SCN1A: variants seen among roughly 807,000 people sequenced by gnomAD.
The protein encoded by SCN1A is sodium voltage-gated channel alpha subunit 1, also known as sodium channel protein type 1 subunit alpha.
SCN1A carries 13 observed loss-of-function variants against 193.7 expected under a neutral mutation model. The observed-to-expected ratio is 0.07, with a 90% CI of 0.04 to 0.11. The LOEUF is 0.11. Ranked by LOEUF, SCN1A falls within the 10% of genes least tolerant of loss-of-function variation. The pLI, the probability that SCN1A is intolerant of heterozygous loss-of-function variation, is 1.00. For missense variants in SCN1A, 1,432 were observed against 2,451.1 expected (o/e 0.58, Z 8.78); for synonymous variants, 781 against 843.6 (o/e 0.93, Z 1.29).
chr2:165,986,780 A>G lies in SCN1A; in HGVS notation c.*4465T>C, dbSNP rs186800824. On this transcript the variant is annotated 3_prime_UTR_variant, in exon 29 of 29. Transcript: ENST00000674923. ...TATGTCTGTTTACATACATACATAT[A>G]TATATAAATGTAACTCATTTTTCTT... is the stretch of plus-strand genomic sequence containing the variant. 34 of 151,946 alleles carry G rather than the reference A, an allele frequency of 2.2e-4. 1 individual carries two copies. In the East Asian group the frequency reaches 6.6e-3, roughly 29 times the overall value. 9.4% of individuals were successfully genotyped at this position (151,946 alleles called of 1,614,324 possible).
At chr2:166,038,770 G>A (rs1247995807) in intron 17 of SCN1A, among the ~76,000 whole-genome samples, 6 of 152,172 alleles carry the variant, frequency 3.9e-5, no homozygotes, top group Non-Finnish European at 8.8e-5. Context: ...ATATTAATTT[G>A]CCAGTAGTGT....
Position 166,067,471 on chromosome 2 carries a change from C to CTTT in SCN1A, c.264+5884_264+5886dup, listed in dbSNP as rs5836078. Among the ~76,000 whole-genome samples, 834 of 145,936 alleles carry CTTT rather than the reference C, an allele frequency of 5.7e-3. 8 individuals are homozygous for CTTT. Among genetic ancestry groups the CTTT allele is most frequent in the African/African-American group, 0.02 (794 of 39,938 alleles). On this transcript the variant is annotated intron_variant, in intron 4 of 28. Transcript: ENST00000674923. ...TATTTAGATTCCATCACTGACTTCT[C>CTTT]TTTTTTTTTTTTCCACTGCTGTGAT...
chr2:166,053,270 C>T, intron 7 of SCN1A: 1 of 600,968 alleles, frequency 1.7e-6, no homozygotes, highest in Non-Finnish European at 2.9e-6. Context: ...CATCATTAAT[C>T]TTTGTTCACA....
chr2:166,078,842 T>C (rs894162627), intron 2 of SCN1A, among the ~76,000 whole-genome samples: 1 of 151,598 alleles, frequency 6.6e-6, no homozygotes, highest in African/African-American at 2.4e-5. Flanking sequence ...TTAAAATGAA[T>C]TTTGGTTTCA....
intron 2 of SCN1A, among the ~76,000 whole-genome samples, chr2:166,110,158 G>C (rs945723007): frequency 6.6e-6 from 1 of 151,658 alleles, no homozygotes; most frequent in East Asian, 1.9e-4. Context: ...CACCTACTAT[G>C]TAGCCATACA....
intron 4 of SCN1A, among the ~76,000 whole-genome samples, chr2:166,066,652 A>C (rs1236479432): frequency 6.6e-6 from 1 of 152,138 alleles, no homozygotes; most frequent in East Asian, 1.9e-4. Flanking sequence ...CAAACTTCCT[A>C]TCTAAGAAAA....
Position 166,073,607 on chromosome 2 carries a change from C to G in SCN1A, c.15G>C (p.Val5=). The G allele has an allele frequency of 1.2e-6, 2 of 1,614,166 alleles. No individual in the cohort carries two copies. The highest frequency in any genetic ancestry group is 1.1e-5 in the South Asian group (1 of 91,082). ...AGCTGTCAGGTCCTGGTGGTACAAGCACTGTTTGCTCCATCTTGTCATCCT... is the reference window on the plus strand; with the variant it reads ...AGCTGTCAGGTCCTGGTGGTACAAGGACTGTTTGCTCCATCTTGTCATCCT... MEQT[V]LVPPGPDSFN... The change falls in exon 4 of 29, where the codon GTG becomes GTC. Residue 5 remains valine, a synonymous_variant. Coordinates refer to ENST00000674923, the MANE Select transcript of SCN1A (RefSeq NM_001165963.4).
chr2:165,988,898 A>G lies in SCN1A; in HGVS notation c.*2347T>C, dbSNP rs1438590033. On this transcript the variant is annotated 3_prime_UTR_variant, in exon 29 of 29. Coordinates refer to ENST00000674923, the MANE Select transcript of SCN1A (RefSeq NM_001165963.4). Reference sequence around the variant, plus strand: ...TACTTCTCTTCCTCCTAGAATCACTAGCTATCCTCTGACACCAGTTCTTCC... The same window carrying G: ...TACTTCTCTTCCTCCTAGAATCACTGGCTATCCTCTGACACCAGTTCTTCC... 6.6e-6 allele frequency: 1 copy of G among 152,294 alleles called. No homozygotes were observed. Among genetic ancestry groups the G allele is most frequent in the Non-Finnish European group, 1.5e-5 (1 of 68,044 alleles). 9.4% of individuals were successfully genotyped at this position (152,294 alleles called of 1,614,324 possible). A position where few individuals can be genotyped will look rare whatever the true frequency, so the allele number is the denominator to read the frequency against.
At chr2:166,042,576 C>T (rs1697313696) in intron 14 of SCN1A, 152 bp from the exon 15 acceptor site, 1 of 764,100 alleles carries the variant, frequency 1.3e-6, no homozygotes, top group African/African-American at 1.7e-5. Flanking sequence ...CTTATTGTAT[C>T]ATTAGCCTGG....
At chr2:166,022,795 A>C (rs949531535) in intron 19 of SCN1A, among the ~76,000 whole-genome samples, 2 of 152,226 alleles carry the variant, frequency 1.3e-5, no homozygotes, top group Non-Finnish European at 2.9e-5. Context: ...AATGTTAAGT[A>C]CCAACAACCA....
chr2:165,996,328 ATTATC>A (rs1188787569), intron 26 of SCN1A: 1 of 402,542 alleles, frequency 2.5e-6, no homozygotes, highest in Non-Finnish European at 4.5e-6. Context: ...CTTTATTATT[ATTATC>A]TTATGAAGAC....
intron 18 of SCN1A, among the ~76,000 whole-genome samples, chr2:166,037,029 TA>T (rs930160183): frequency 3.3e-5 from 5 of 152,348 alleles, no homozygotes; most frequent in African/African-American, 1.2e-4. Context: ...ATATTTCTCA[TA>T]CTTCATTGTT....
At chr2:166,033,032 A>G (rs13398343) in intron 19 of SCN1A, among the ~76,000 whole-genome samples, 38,909 of 152,082 alleles carry the variant, frequency 0.26, 5,811 homozygotes, top group Non-Finnish European at 0.34. Context: ...CTTTGTACCA[A>G]ACATGTTTAA....
At chr2:165,993,180 AGTGTGTGTGTGT>A (rs760561246) in intron 28 of SCN1A, 1 of 143,166 alleles carries the variant, frequency 7.0e-6, no homozygotes, top group Non-Finnish European at 1.5e-5. Context: ...GAAGTGTAAG[AGTGTGTGTGTGT>A]GTGTGTGTGT....
At chr2:166,042,185 C>A in intron 15 of SCN1A, 107 bp downstream of exon 15, 3 of 1,093,982 alleles carry the variant, frequency 2.7e-6, no homozygotes, top group Non-Finnish European at 4.0e-6. Context: ...ATTAGACTGT[C>A]TTTTCATTAG....
intron 2 of SCN1A, chr2:166,109,578 C>G (rs1211637181): frequency 1.3e-5 from 2 of 152,268 alleles, no homozygotes; most frequent in Non-Finnish European, 2.9e-5. Context: ...CATGTGCTCA[C>G]TTCGTGTATC....
In SCN1A at chr2:166,058,493, C is replaced by G. The variant is rs1359281821; in HGVS notation, c.383+77G>C. On this transcript the variant is annotated intron_variant, in intron 5 of 28. Coordinates refer to ENST00000674923, the MANE Select transcript of SCN1A (RefSeq NM_001165963.4). Reference sequence around the variant, plus strand: ...ACTATATAATATGGACATTTCCCAACTTAATTTGATATTTAGCTATAAAGT... The same window carrying G: ...ACTATATAATATGGACATTTCCCAAGTTAATTTGATATTTAGCTATAAAGT... 4.8e-6 allele frequency: 4 copies of G among 833,858 alleles called. No individual in the cohort carries two copies. The African/African-American group carries it at 5.1e-5, about 11-fold the overall frequency. 51.7% of individuals were successfully genotyped at this position (833,858 alleles called of 1,614,324 possible).
intron 21 of SCN1A, 33 bp from the exon 22 acceptor site, chr2:166,012,315 CA>C: frequency 6.6e-7 from 1 of 1,522,012 alleles, no homozygotes; most frequent in Non-Finnish European, 9.1e-7. Context: ...TATTAGCTTT[CA>C]AAAATAATTA....
intron 2 of SCN1A, among the ~76,000 whole-genome samples, chr2:166,099,527 G>T: frequency 7.4e-6 from 1 of 135,390 alleles, no homozygotes; most frequent in East Asian, 2.1e-4. Flanking sequence ...TTAGGCAGGA[G>T]AAGGAAATAA....
Sources: gnomAD v4.1 joint callset for allele counts (sites outside exome capture counted in the v4.1 genomes callset) on GRCh38, gnomAD v4.1.1 for gene constraint, MANE v1.5 for transcripts, NCBI Gene and HGNC (gene_info 2026-07-23, HGNC 2026-07-21) for gene names.